TOM1L2: variants seen among roughly 807,000 people sequenced by gnomAD.
The protein encoded by TOM1L2 is target of myb1 like 2 membrane trafficking protein.
In TOM1L2, 31 loss-of-function variants were observed where a neutral mutation model predicts 67.9. That is an observed-to-expected ratio of 0.46 (90% CI 0.34 to 0.62). The LOEUF (loss-of-function observed/expected upper bound fraction) is 0.62, where lower values mean the gene tolerates loss of function less well. Ranked by LOEUF, TOM1L2 falls within the 20% of genes least tolerant of loss-of-function variation. TOM1L2 has a pLI of 0.01. For synonymous variants in TOM1L2, 256 were observed against 254.0 expected (o/e 1.01, Z -0.07); for missense variants, 606 against 663.5 (o/e 0.91, Z 0.95).
At chr17:17,877,146 A>G (rs1253584055) in intron 7 of TOM1L2, among the ~76,000 whole-genome samples, 1 of 152,216 alleles carries the variant, frequency 6.6e-6, no homozygotes, top group East Asian at 1.9e-4. Flanking sequence ...TCACACTGCC[A>G]AGCTTCCCTG....
intron 1 of TOM1L2, among the ~76,000 whole-genome samples, chr17:17,964,740 C>G (rs2041815971): frequency 6.6e-6 from 1 of 152,050 alleles, no homozygotes; most frequent in Admixed American, 6.6e-5. Context: ...GGCGACAAAG[C>G]AAGACCCTGT....
At chr17:17,954,102 G>C (rs991984104) in intron 1 of TOM1L2, among the ~76,000 whole-genome samples, 1 of 152,250 alleles carries the variant, frequency 6.6e-6, no homozygotes, top group South Asian at 2.1e-4. Context: ...CTTTGTGGCA[G>C]TGGGAAGATC....
intron 4 of TOM1L2, among the ~76,000 whole-genome samples, chr17:17,885,672 C>T (rs926812939): frequency 2.6e-5 from 4 of 152,042 alleles, no homozygotes; most frequent in African/African-American, 9.7e-5. Context: ...TGCCTGTAAT[C>T]CCAGCACTTT....
rs766073094 is a variant in TOM1L2 at position 17,866,457 on chromosome 17, C to A, written c.961-38G>T. On this transcript the variant is annotated intron_variant, in intron 9 of 14. Coordinates refer to ENST00000379504, the MANE Select transcript of TOM1L2 (RefSeq NM_001082968.2). ...GAGATTGGCCATAAGCCCCAGAACC[C>A]TGGAGTCAGGCTCTGAGGTAGAAGC... is the stretch of plus-strand genomic sequence containing the variant. 13 of 1,544,874 alleles carry A rather than the reference C, an allele frequency of 8.4e-6. No homozygotes were observed. The East Asian group carries it at 2.8e-4, about 33-fold the overall frequency.
intron 12 of TOM1L2, chr17:17,851,260 T>C (rs1239920181): frequency 2.5e-6 from 1 of 405,774 alleles, no homozygotes; most frequent in Non-Finnish European, 4.6e-6. Flanking sequence ...ACTCTCACAT[T>C]GCGGGGCCTC....
intron 4 of TOM1L2, among the ~76,000 whole-genome samples, chr17:17,892,390 C>T (rs1027934915): frequency 6.6e-6 from 1 of 152,206 alleles, no homozygotes; most frequent in African/African-American, 2.4e-5. Flanking sequence ...CCTGCAGGCC[C>T]TTGTCTTGCC....
chr17:17,849,039 G>C (rs2035814911), intron 13 of TOM1L2, 180 bp from the exon 14 acceptor site: 2 of 545,852 alleles, frequency 3.7e-6, no homozygotes, highest in Non-Finnish European at 6.4e-6. Flanking sequence ...TCTTATTGGA[G>C]AAACAGAAGC....
intron 7 of TOM1L2, among the ~76,000 whole-genome samples, chr17:17,873,848 A>T (rs979145014): frequency 3.3e-5 from 5 of 152,254 alleles, no homozygotes; most frequent in African/African-American, 1.2e-4. Context: ...GCACGGGGCC[A>T]GGGCAGCTGA....
chr17:17,887,565 C>T (rs937797116), intron 4 of TOM1L2, among the ~76,000 whole-genome samples: 60 of 152,238 alleles, frequency 3.9e-4, no homozygotes, highest in African/African-American at 1.4e-3. Flanking sequence ...CAACCTCTGC[C>T]TCCGGGCTCA....
At chr17:17,967,608 CT>C (rs1424670887) in intron 1 of TOM1L2, among the ~76,000 whole-genome samples, 13 of 152,068 alleles carry the variant, frequency 8.5e-5, no homozygotes, top group Non-Finnish European at 1.8e-4. Flanking sequence ...CTTTCTCTCT[CT>C]TTTTTTTCTT....
chr17:17,869,373 T>C lies in TOM1L2; in HGVS notation c.878A>G (p.Asp293Gly). 6.2e-7 allele frequency: 1 copy of C among 1,611,668 alleles called. No homozygotes were observed. The highest frequency in any genetic ancestry group is 8.5e-7 in the Non-Finnish European group (1 of 1,179,362). ...TCGAAGGAAGACGTTGTTGAGGTCA[T>C]CGTTCACATGCAGCAGCTCCTCGGT... is the stretch of plus-strand genomic sequence containing the variant. ...EVTEELLHVN[D>G]DLNNVFLRYE... is the part of the protein sequence containing the mutation. The change falls in exon 8 of 15, where the codon GAT becomes GGT. Residue 293 changes from aspartate to glycine, a missense_variant. Around this residue, in one of 2 missense-constraint regions of TOM1L2, gnomAD observed 543 missense variants for 554.0 expected, o/e 0.98. Coordinates refer to ENST00000379504, the MANE Select transcript of TOM1L2 (RefSeq NM_001082968.2).
At chr17:17,912,747 G>A (rs1366551595) in intron 1 of TOM1L2, among the ~76,000 whole-genome samples, 4 of 151,816 alleles carry the variant, frequency 2.6e-5, no homozygotes, top group Admixed American at 1.3e-4. Flanking sequence ...GACGATGGGC[G>A]GCCAGGCAGA....
At chr17:17,861,628 T>A in intron 11 of TOM1L2, 77 bp from the exon 12 acceptor site, 1 of 1,273,610 alleles carries the variant, frequency 7.9e-7, no homozygotes, top group Non-Finnish European at 1.1e-6. Flanking sequence ...TGGCCTGTAA[T>A]CACTTCTATC....
chr17:17,868,810 C>T (rs1020133599), intron 8 of TOM1L2, among the ~76,000 whole-genome samples: 10 of 152,192 alleles, frequency 6.6e-5, no homozygotes, highest in Non-Finnish European at 1.3e-4. Flanking sequence ...GCACGCTTCC[C>T]TAAGCAGCAG....
intron 7 of TOM1L2, among the ~76,000 whole-genome samples, chr17:17,870,196 C>T (rs536456907): frequency 6.6e-6 from 1 of 152,270 alleles, no homozygotes; most frequent in East Asian, 1.9e-4. Context: ...CCCTGGCTGG[C>T]CGAAAGAGGA....
intron 1 of TOM1L2, among the ~76,000 whole-genome samples, chr17:17,965,738 T>C (rs760159436): frequency 1.3e-5 from 2 of 152,220 alleles, no homozygotes; most frequent in Non-Finnish European, 2.9e-5. Context: ...CTCACAGCAT[T>C]GTTGTGAGGA....
At chr17:17,871,231 G>A (rs145393131) in intron 7 of TOM1L2, among the ~76,000 whole-genome samples, 102 of 152,130 alleles carry the variant, frequency 6.7e-4, no homozygotes, top group African/African-American at 2.3e-3. Context: ...TTAGCCGGGC[G>A]TTGGTGGCGG....
chr17:17,965,797 T>C (rs7213225), intron 1 of TOM1L2, among the ~76,000 whole-genome samples: 74,305 of 152,058 alleles, frequency 0.49, 19,198 homozygotes, highest in East Asian at 0.86. Context: ...CTCTGGCACA[T>C]AGGAATACAA....
chr17:17,970,354 G>A (rs1299531061), intron 1 of TOM1L2, among the ~76,000 whole-genome samples: 1 of 152,026 alleles, frequency 6.6e-6, no homozygotes, highest in Non-Finnish European at 1.5e-5. Context: ...GTGAGCCACC[G>A]CACCCAACCA....
Sources: gnomAD v4.1 joint callset for allele counts (sites outside exome capture counted in the v4.1 genomes callset) on GRCh38, gnomAD v4.1.1 for gene constraint, gnomAD v4.1.1 regional missense constraint, MANE v1.5 for transcripts, NCBI Gene and HGNC (gene_info 2026-07-23, HGNC 2026-07-21) for gene names.